Variants in KNL1 observed in about 807,000 individuals in gnomAD.
KNL1 encodes the protein outer kinetochore KNL1 complex subunit KNL1.
A neutral mutation model predicts 201.3 loss-of-function variants in KNL1; 66 were observed. The ratio of observed to expected loss-of-function variants is 0.33; its 90% CI spans 0.27 to 0.40. The LOEUF is 0.40. Among genes scored for constraint, KNL1 ranks in the 10% least tolerant of loss-of-function variants. KNL1 has a pLI of 1.00. For synonymous variants in KNL1, 895 were observed against 899.2 expected (o/e 1.00, Z 0.08); for missense variants, 2,815 against 2,690.5 (o/e 1.05, Z -1.02).
chr15:40,659,086 A>T (rs1372409154), intron 24 of KNL1, among the ~76,000 whole-genome samples: 1 of 152,040 alleles, frequency 6.6e-6, no homozygotes, highest in African/African-American at 2.4e-5. Context: ...CAGGAGTTTG[A>T]GGCCACATTG....
At chr15:40,625,775 A>T in intron 10 of KNL1, 135 bp downstream of exon 10, 1 of 652,690 alleles carries the variant, frequency 1.5e-6, no homozygotes, top group Non-Finnish European at 2.6e-6. Context: ...AGAGGGCTGG[A>T]GAAATATTCT....
chr15:40,653,876 TC>T (rs141497850), intron 21 of KNL1, among the ~76,000 whole-genome samples: 1 of 147,422 alleles, frequency 6.8e-6, no homozygotes, highest in South Asian at 2.1e-4. Context: ...AACGCTGTTT[TC>T]CCCCACTTCA....
In KNL1 at chr15:40,621,827, A is replaced by G. The variant is rs769381734; in HGVS notation, c.1563A>G (p.Gln521=). ...CACCCGAAAAAGAAATGATGCTCCAAAATCTTATGACCACATCAGAAGATG... is the reference window on the plus strand; with the variant it reads ...CACCCGAAAAAGAAATGATGCTCCAGAATCTTATGACCACATCAGAAGATG... The part of the protein sequence containing the change: ...APTPEKEMML[Q]NLMTTSEDGK... Residue 521 remains glutamine (Q), a synonymous_variant, in exon 10 of 26, where the codon CAA becomes CAG. Coordinates refer to ENST00000399668, the MANE Select transcript of KNL1 (RefSeq NM_144508.5). 6 of 1,613,946 alleles carry G rather than the reference A, an allele frequency of 3.7e-6. No individual in the cohort carries two copies. In the South Asian group the frequency reaches 6.6e-5, roughly 18 times the overall value.
At position 40,620,764 on chromosome 15, in the gene KNL1, A is replaced by G. The variant is rs372020413; in HGVS notation, c.500A>G (p.Asp167Gly). ...HTVMITKGLL[D>G]NPISEKSTKI... ...GTAATGATTACCAAAGGCCTTTTAG[A>G]TAATCCCATAAGTGAAAAGTCCACC... The change falls in exon 10 of 26, where the codon GAT becomes GGT. Residue 167 changes from aspartate to glycine, a missense_variant. Asp to Gly is a moderately conservative substitution (Grantham distance 94). This residue lies in a region of KNL1 where 2,464 missense variants were observed against 2,291.7 expected (regional missense o/e 1.08). Coordinates refer to ENST00000399668, the MANE Select transcript of KNL1 (RefSeq NM_144508.5). The G allele has an allele frequency of 2.5e-5, 41 of 1,613,388 alleles. 1 individual carries two copies. In the African/African-American group the frequency reaches 4.0e-4, roughly 16 times the overall value.
chr15:40,647,431 G>A (rs535863454), intron 17 of KNL1, among the ~76,000 whole-genome samples: 16 of 151,964 alleles, frequency 1.1e-4, no homozygotes, highest in East Asian at 9.7e-4. Context: ...CCAAGATTGC[G>A]CCACTGCACT....
chr15:40,597,715 G>A (rs1281690815), intron 1 of KNL1, among the ~76,000 whole-genome samples: 1 of 152,178 alleles, frequency 6.6e-6, no homozygotes, highest in Non-Finnish European at 1.5e-5. Flanking sequence ...TTTTAAAAGG[G>A]GGACTTCAGT....
rs751379041 is a variant in KNL1 at position 40,652,046 on chromosome 15, C to G, written c.6356C>G (p.Ala2119Gly). Residue 2119 changes from alanine to glycine, a missense_variant, in exon 21 of 26, where the codon GCT (alanine) becomes GGT (glycine). Physicochemically the swap from Ala to Gly is moderately conservative, Grantham distance 60. Coordinates refer to ENST00000399668, the MANE Select transcript of KNL1 (RefSeq NM_144508.5). The stretch of plus-strand genomic sequence containing the variant: ...GTCGTTGAGTGGAGTGATGATCAAG[C>G]TGTATTCACCTTTGTTTATGACACG... ...WDVVEWSDDQ[A>G]VFTFVYDTIQ... 3 of 1,613,648 alleles carry G rather than the reference C, an allele frequency of 1.9e-6. No individual in the cohort carries two copies. The African/African-American group carries it at 4.0e-5, about 22-fold the overall frequency.
At chr15:40,635,714 A>G (rs1341810577) in intron 13 of KNL1, among the ~76,000 whole-genome samples, 3 of 151,792 alleles carry the variant, frequency 2.0e-5, no homozygotes, top group Non-Finnish European at 4.4e-5. Context: ...ACATGTACAC[A>G]CCTCCCATAT....
At chr15:40,628,810 C>G in intron 12 of KNL1, 132 bp downstream of exon 12, 2 of 526,100 alleles carry the variant, frequency 3.8e-6, no homozygotes, top group Non-Finnish European at 6.7e-6. Flanking sequence ...ATACAGAAGA[C>G]TACTTTTCTT....
chr15:40,622,811 A>G lies in KNL1; in HGVS notation c.2547A>G (p.Gly849=), dbSNP rs748981111. Reference sequence around the variant, plus strand: ...AAAAGCAAAATGTCAAAATTTGGGGAAGGAAAAGTGTTGGTGGACCAAAAA... The same window carrying G: ...AAAAGCAAAATGTCAAAATTTGGGGGAGGAAAAGTGTTGGTGGACCAAAAA... The part of the protein sequence containing the change: ...PKEKQNVKIW[G]RKSVGGPKID... Residue 849 remains glycine (G), a synonymous_variant, in exon 10 of 26, where the codon GGA becomes GGG. Transcript: ENST00000399668. The G allele has an allele frequency of 1.2e-6, 2 of 1,612,814 alleles. No individual in the cohort carries two copies. The highest frequency in any genetic ancestry group is 2.7e-5 in the African/African-American group (2 of 74,798).
intron 14 of KNL1, chr15:40,643,354 G>A (rs1160320436): frequency 5.3e-5 from 8 of 152,172 alleles, no homozygotes; most frequent in African/African-American, 1.9e-4. Flanking sequence ...TAATAGAGAC[G>A]AGGTTTCACC....
At chr15:40,599,637 C>T (rs1322324238) in intron 1 of KNL1, among the ~76,000 whole-genome samples, 1 of 152,000 alleles carries the variant, frequency 6.6e-6, no homozygotes, top group Non-Finnish European at 1.5e-5. Context: ...CCTGCCTCGG[C>T]TGCCCAAAGT....
At position 40,650,189 on chromosome 15, in the gene KNL1, A is replaced by C; in HGVS notation, c.6095-112A>C. ...CTGAACTTCCTACTACCAAAGAAAC[A>C]ATCTGTCGTTTAATAAATTGTTTTT... On this transcript the variant is annotated intron_variant, in intron 17 of 25. Coordinates refer to ENST00000399668, the MANE Select transcript of KNL1 (RefSeq NM_144508.5). The C allele has an allele frequency of 4.2e-6, 3 of 708,462 alleles. No individual in the cohort carries two copies. The South Asian group carries it at 6.3e-5, about 15-fold the overall frequency. The allele number at this position is 708,462 out of a possible 1,614,324, so 43.9% of individuals were successfully genotyped here. A position where few individuals can be genotyped will look rare whatever the true frequency, so the allele number is the denominator to read the frequency against.
In KNL1 at chr15:40,623,463, A is replaced by C; in HGVS notation, c.3199A>C (p.Ser1067Arg). The C allele has an allele frequency of 1.2e-6, 2 of 1,611,108 alleles. No individual in the cohort carries two copies. Among genetic ancestry groups the C allele is most frequent in the Non-Finnish European group, 1.7e-6 (2 of 1,179,166 alleles). ...PLSSKSQRRK[S>R]LKLKNDKTIV... ...ATCAAGCAAAAGTCAGAGAAGAAAA[A>C]GCCTTAAGCTAAAAAATGACAAGAC... is the stretch of plus-strand genomic sequence containing the variant. Residue 1067 changes from serine (S) to arginine (R), a missense_variant, in exon 10 of 26, where the codon AGC becomes CGC. Coordinates refer to ENST00000399668, the MANE Select transcript of KNL1 (RefSeq NM_144508.5).
chr15:40,655,915 CAAA>C (rs201727545), intron 22 of KNL1, among the ~76,000 whole-genome samples: 3 of 65,146 alleles, frequency 4.6e-5, no homozygotes, highest in Admixed American at 1.7e-4. Context: ...GACTCCGTCT[CAAA>C]AAAAAAAAAA....
chr15:40,612,936 A>G (rs1892219312), intron 7 of KNL1, among the ~76,000 whole-genome samples: 1 of 152,214 alleles, frequency 6.6e-6, no homozygotes, highest in Non-Finnish European at 1.5e-5. Context: ...TTAAATGCAC[A>G]TGCCCTTTGA....
intron 22 of KNL1, among the ~76,000 whole-genome samples, chr15:40,655,322 G>A (rs1048994726): frequency 4.7e-5 from 7 of 150,234 alleles, no homozygotes; most frequent in East Asian, 2.0e-4. Flanking sequence ...GGCTGGGCAC[G>A]GTGGCTCATG....
At position 40,621,460 on chromosome 15, in the gene KNL1, C is replaced by G; in HGVS notation, c.1196C>G (p.Ser399Ter). Residue 399 changes from serine to a stop codon, truncating the protein, a stop_gained, in exon 10 of 26, where the codon TCA becomes TGA. Coordinates refer to ENST00000399668, the MANE Select transcript of KNL1 (RefSeq NM_144508.5). LOFTEE classifies it high-confidence loss of function. ...ATGGGGGCAGAAACTCACATAGTCT[C>G]ACAGACTTGTAATCAGGATGCCAGA... ...HIMGAETHIV[S>*]QTCNQDARIL... The G allele has an allele frequency of 6.2e-7, 1 of 1,613,854 alleles. No individual in the cohort carries two copies. Among genetic ancestry groups the G allele is most frequent in the African/African-American group, 1.3e-5 (1 of 75,052 alleles).
chr15:40,642,645 T>C (rs1354244636), intron 14 of KNL1, among the ~76,000 whole-genome samples: 1 of 152,146 alleles, frequency 6.6e-6, no homozygotes, highest in African/African-American at 2.4e-5. Context: ...TTTATTTTAA[T>C]GAGACAGAGT....
Sources: gnomAD v4.1 joint callset for allele counts (sites outside exome capture counted in the v4.1 genomes callset) on GRCh38, gnomAD v4.1.1 for gene constraint, gnomAD v4.1.1 regional missense constraint, MANE v1.5 for transcripts, NCBI Gene and HGNC (gene_info 2026-07-23, HGNC 2026-07-21) for gene names.